The following ADAMTSL1 variants were observed in gnomAD, a reference collection of about 807,000 sequenced individuals.
The protein encoded by ADAMTSL1 is ADAMTS like 1.
In ADAMTSL1, 126 loss-of-function variants were observed where a neutral mutation model predicts 201.8. The observed-to-expected ratio is 0.62, with a 90% CI of 0.54 to 0.72. The LOEUF (loss-of-function observed/expected upper bound fraction) is 0.72, where lower values mean the gene tolerates loss of function less well. Among genes scored for constraint, ADAMTSL1 ranks in the 30% least tolerant of loss-of-function variants. The pLI, the probability that ADAMTSL1 is intolerant of heterozygous loss-of-function variation, is 0.00. For missense variants in ADAMTSL1, 2,679 were observed against 2,277.8 expected, an observed-to-expected ratio of 1.18 and a Z score of -3.59; for synonymous variants, 1,121 against 903.4, an observed-to-expected ratio of 1.24 and a Z score of -4.32.
At chr9:17,912,544 TC>T (rs1825927361) in intron 1 of ADAMTSL1, among the ~76,000 whole-genome samples, 1 of 69,224 alleles carries the variant, frequency 1.4e-5, no homozygotes, top group African/African-American at 3.1e-5. Flanking sequence ...TTTGTTTTTT[TC>T]TTGTAAATTT....
At position 18,777,120 on chromosome 9, in the gene ADAMTSL1, A is replaced by C. The variant is rs1187733819; in HGVS notation, c.2891A>C (p.Asn964Thr). ...TTTGTGATTAAGCTCATCGGAGGCA[A>C]CCGCAAGCTCGTGGCCCGGCCCTTG... is the stretch of plus-strand genomic sequence containing the variant. ...EHFVIKLIGG[N>T]RKLVARPLSP... The change falls in exon 19 of 29, where the codon AAC (asparagine) becomes ACC (threonine). Residue 964 changes from asparagine (N) to threonine (T), a missense_variant. Physicochemically the swap from Asn to Thr is moderately conservative, Grantham distance 65. Coordinates refer to ENST00000380548, the MANE Select transcript of ADAMTSL1 (RefSeq NM_001040272.6). The C allele has an allele frequency of 5.6e-6, 9 of 1,612,920 alleles. No homozygotes were observed. The highest frequency in any genetic ancestry group is 7.6e-6 in the Non-Finnish European group (9 of 1,179,822).
At chr9:18,734,283 G>T (rs531959708) in intron 15 of ADAMTSL1, among the ~76,000 whole-genome samples, 1 of 152,178 alleles carries the variant, frequency 6.6e-6, no homozygotes, top group Non-Finnish European at 1.5e-5. Flanking sequence ...CTTGATTGGA[G>T]GATGTAGGTG....
intron 2 of ADAMTSL1, among the ~76,000 whole-genome samples, chr9:18,392,149 C>A (rs2133227078): frequency 6.6e-6 from 1 of 152,206 alleles, no homozygotes; most frequent in African/African-American, 2.4e-5. Flanking sequence ...TCTAGATTAC[C>A]TGGCACAAGT....
intron 2 of ADAMTSL1, among the ~76,000 whole-genome samples, chr9:18,400,857 C>T (rs868104538): frequency 2.6e-5 from 4 of 152,118 alleles, no homozygotes; most frequent in South Asian, 4.1e-4. Flanking sequence ...CAATATAGTG[C>T]GTAGTAGGAG....
chr9:18,054,637 A>G (rs1822091409), intron 1 of ADAMTSL1, among the ~76,000 whole-genome samples: 1 of 152,238 alleles, frequency 6.6e-6, no homozygotes, highest in South Asian at 2.1e-4. Flanking sequence ...ACCAGTTTAC[A>G]GTTAAAGGGA....
At position 18,461,739 on chromosome 9, in the gene ADAMTSL1, C is replaced by G. The variant is rs151038377; in HGVS notation, c.208-43090C>G. 2.0e-5 allele frequency among the ~76,000 whole-genome samples: 3 copies of G among 152,220 alleles called. No individual in the cohort carries two copies. In the East Asian group the frequency reaches 5.8e-4, roughly 29 times the overall value. ...CAAGGTACTGAACCACAATAGTAGT[C>G]TCTGAGGAAGCAGGCAGGAAAGGAA... On this transcript the variant is annotated intron_variant, in intron 2 of 29. Transcript: ENST00000680146.
chr9:18,254,331 C>T (rs1387322700), intron 2 of ADAMTSL1, among the ~76,000 whole-genome samples: 1 of 132,538 alleles, frequency 7.5e-6, no homozygotes, highest in Non-Finnish European at 1.6e-5. Context: ...GAACTACCGT[C>T]AATACTCTTT....
At chr9:17,970,293 C>A (rs1233584306) in intron 1 of ADAMTSL1, among the ~76,000 whole-genome samples, 1 of 152,014 alleles carries the variant, frequency 6.6e-6, no homozygotes, top group Non-Finnish European at 1.5e-5. Context: ...AAAACTACCC[C>A]CTCCTATCTA....
At chr9:18,254,477 C>G (rs570942175) in intron 2 of ADAMTSL1, among the ~76,000 whole-genome samples, 1 of 149,536 alleles carries the variant, frequency 6.7e-6, no homozygotes, top group Admixed American at 6.7e-5. Context: ...GTTCTCCTGC[C>G]TCAGCCTCCC....
chr9:18,819,494 A>C (rs1824078116), intron 21 of ADAMTSL1, among the ~76,000 whole-genome samples: 1 of 151,626 alleles, frequency 6.6e-6, no homozygotes, highest in African/African-American at 2.4e-5. Context: ...GTGCAGCAAA[A>C]CAAGGAAATG....
In ADAMTSL1 at chr9:18,356,096, G is replaced by A. The variant is rs192554851; in HGVS notation, c.208-148733G>A. ...TGACAATCTAAGAGTGAGCAAGGCG[G>A]GTAGTTTTACTGAGTGATTAAAACA... is the stretch of plus-strand genomic sequence containing the variant. On this transcript the variant is annotated intron_variant, in intron 2 of 29. Coordinates refer to the ADAMTSL1 transcript ENST00000680146. 5.8e-4 allele frequency among the ~76,000 whole-genome samples: 89 copies of A among 152,328 alleles called. No individual in the cohort carries two copies. In the Middle Eastern group the frequency reaches 0.014, roughly 23 times the overall value.
At chr9:18,077,747 A>T (rs1349334402) in intron 1 of ADAMTSL1, among the ~76,000 whole-genome samples, 1 of 148,604 alleles carries the variant, frequency 6.7e-6, no homozygotes, top group Admixed American at 6.8e-5. Flanking sequence ...GGAGGACTTT[A>T]AAAAAAATGC....
intron 2 of ADAMTSL1, among the ~76,000 whole-genome samples, chr9:18,465,851 C>T (rs1420143096): frequency 2.6e-5 from 4 of 152,186 alleles, no homozygotes; most frequent in African/African-American, 9.7e-5. Flanking sequence ...TGGGTTCAAG[C>T]AATTCTTCTG....
chr9:18,824,020 A>AGAAG (rs533257033), intron 21 of ADAMTSL1, among the ~76,000 whole-genome samples: 3 of 151,494 alleles, frequency 2.0e-5, no homozygotes, highest in African/African-American at 4.9e-5. Flanking sequence ...AAGGAAGGAA[A>AGAAG]GAAGGAAGGA....
At chr9:18,110,014 G>A (rs542743910) in intron 1 of ADAMTSL1, among the ~76,000 whole-genome samples, 1 of 152,280 alleles carries the variant, frequency 6.6e-6, no homozygotes, top group South Asian at 2.1e-4. Flanking sequence ...AGGCAAGTGA[G>A]GTGAGGTTAA....
At chr9:18,061,012 G>A (rs1204834396) in intron 1 of ADAMTSL1, among the ~76,000 whole-genome samples, 1 of 152,104 alleles carries the variant, frequency 6.6e-6, no homozygotes, top group Non-Finnish European at 1.5e-5. Context: ...ACTCATGGCA[G>A]TTTTCTGCGA....
At position 18,760,713 on chromosome 9, in the gene ADAMTSL1, T is replaced by TCCACCTACC. The variant is rs142289883; in HGVS notation, c.2217+7213_2217+7214insCCCACCTAC. ...CTAATCTAATGTCTCAGAATAATTT[T>TCCACCTACC]CCACCTACTCTTCTTCATGGACCCA... On this transcript the variant is annotated intron_variant, in intron 16 of 28. Transcript: ENST00000380548. 7.5e-3 allele frequency among the ~76,000 whole-genome samples: 1,144 copies of TCCACCTACC among 152,326 alleles called. 12 individuals carry two copies. The highest frequency in any genetic ancestry group is 0.027 in the African/African-American group (1,119 of 41,560).
At chr9:18,745,408 C>T (rs1819081535) in intron 15 of ADAMTSL1, among the ~76,000 whole-genome samples, 1 of 152,222 alleles carries the variant, frequency 6.6e-6, no homozygotes, top group South Asian at 2.1e-4. Flanking sequence ...AAGCTGGCCC[C>T]TATGCCCTTT....
intron 5 of ADAMTSL1, among the ~76,000 whole-genome samples, chr9:18,627,992 T>C (rs1826503130): frequency 6.6e-6 from 1 of 152,202 alleles, no homozygotes; most frequent in East Asian, 1.9e-4. Flanking sequence ...ATATACTAGG[T>C]ACAAGTCCTT....
Sources: gnomAD v4.1 joint callset for allele counts (sites outside exome capture counted in the v4.1 genomes callset) on GRCh38, gnomAD v4.1.1 for gene constraint, MANE v1.5 for transcripts, NCBI Gene and HGNC (gene_info 2026-07-23, HGNC 2026-07-21) for gene names.